ZNF503: variants seen among roughly 807,000 people sequenced by gnomAD.
ZNF503 encodes NocA-like zinc finger 2.
ZNF503 carries 15 observed loss-of-function variants against 34.4 expected under a neutral mutation model. That is an observed-to-expected ratio of 0.44 (90% CI 0.29 to 0.67). ZNF503 has a LOEUF of 0.67. ZNF503 is among the 30% of genes least tolerant of loss of function. The pLI, the probability that ZNF503 is intolerant of heterozygous loss-of-function variation, is 0.13. For missense variants in ZNF503, 1,007 were observed against 926.8 expected (o/e 1.09, Z -1.12); for synonymous variants, 580 against 456.8 (o/e 1.27, Z -3.44).
At chr10:75,342,180 T>A in the ZNF503 span, among the ~76,000 whole-genome samples, 6 of 131,524 alleles carry the variant, frequency 4.6e-5, no homozygotes, top group African/African-American at 1.7e-4. Context: ...CCAGGCTGGG[T>A]GGGGTGGGGT....
At chr10:75,384,333 TATATGATCACATA>T in the ZNF503 span, among the ~76,000 whole-genome samples, 1 of 152,044 alleles carries the variant, frequency 6.6e-6, no homozygotes, top group African/African-American at 2.4e-5. Flanking sequence ...TGAACTCAGA[TATATGATCACATA>T]CAAATTCACA....
chr10:75,360,114 C>CTTTT, the ZNF503 span, among the ~76,000 whole-genome samples: 40 of 108,444 alleles, frequency 3.7e-4, no homozygotes, highest in African/African-American at 8.3e-4. Context: ...CCAAAGGTTT[C>CTTTT]TTTTTTTTTT....
At chr10:75,318,892 T>G in the ZNF503 span, among the ~76,000 whole-genome samples, 2 of 147,676 alleles carry the variant, frequency 1.4e-5, no homozygotes, top group African/African-American at 5.3e-5. Context: ...TCTTCCTTCC[T>G]TCTTTCCTTC....
At chr10:75,296,245 C>G in the ZNF503 span, 21 of 152,354 alleles carry the variant, frequency 1.4e-4, no homozygotes, top group African/African-American at 5.1e-4. Flanking sequence ...ACCTAGTTGT[C>G]CAGCCCCTGG....
the ZNF503 span, among the ~76,000 whole-genome samples, chr10:75,359,964 C>G: frequency 6.6e-6 from 1 of 151,940 alleles, no homozygotes; most frequent in African/African-American, 2.4e-5. Context: ...ATGAGAAGCT[C>G]TTGGTTTTTA....
At chr10:75,291,992 G>A in the ZNF503 span, among the ~76,000 whole-genome samples, 7 of 152,300 alleles carry the variant, frequency 4.6e-5, no homozygotes, top group Admixed American at 2.6e-4. Context: ...TTGGGGATGG[G>A]CACAAACCAC....
At chr10:75,294,577 G>T in the ZNF503 span, among the ~76,000 whole-genome samples, 1 of 152,300 alleles carries the variant, frequency 6.6e-6, no homozygotes, top group East Asian at 1.9e-4. Flanking sequence ...CACTGTTCAG[G>T]CACGGGCAGC....
the ZNF503 span, among the ~76,000 whole-genome samples, chr10:75,330,027 C>T: frequency 6.6e-6 from 1 of 152,100 alleles, no homozygotes; most frequent in African/African-American, 2.4e-5. Context: ...AGGTATGTTC[C>T]TTCTATACCT....
In ZNF503 at chr10:75,401,557, C is replaced by T; in HGVS notation, c.-138G>A. 1 of 1,085,336 alleles carries T rather than the reference C, an allele frequency of 9.2e-7. No individual in the cohort carries two copies. Among genetic ancestry groups the T allele is most frequent in the South Asian group, 1.4e-5 (1 of 69,322 alleles). 67.2% of individuals were successfully genotyped at this position (1,085,336 alleles called of 1,614,324 possible). On this transcript the variant is annotated 5_prime_UTR_variant, in exon 1 of 2. Coordinates refer to ENST00000372524, the MANE Select transcript of ZNF503 (RefSeq NM_032772.6). ...GCGCGGCGGCCACGGGCGCCCAGCGCGCCTTCTCGGCGCCTGGAGCCAGAC... is the reference window on the plus strand; with the variant it reads ...GCGCGGCGGCCACGGGCGCCCAGCGTGCCTTCTCGGCGCCTGGAGCCAGAC...
chr10:75,352,945 C>T, the ZNF503 span, among the ~76,000 whole-genome samples: 925 of 152,298 alleles, frequency 6.1e-3, 10 homozygotes, highest in African/African-American at 0.021. Flanking sequence ...CTGGAAACTG[C>T]TACAGTTCTG....
the ZNF503 span, among the ~76,000 whole-genome samples, chr10:75,312,320 C>T: frequency 2.0e-5 from 3 of 151,650 alleles, no homozygotes; most frequent in Non-Finnish European, 4.4e-5. Flanking sequence ...AATACAATAA[C>T]TAAAATAAAA....
At chr10:75,379,976 A>C in the ZNF503 span, among the ~76,000 whole-genome samples, 1 of 152,204 alleles carries the variant, frequency 6.6e-6, no homozygotes, top group Non-Finnish European at 1.5e-5. Context: ...TGGCCTGCTC[A>C]GCACCTCTGG....
chr10:75,345,328 A>G, the ZNF503 span, among the ~76,000 whole-genome samples: 1 of 152,104 alleles, frequency 6.6e-6, no homozygotes, highest in Non-Finnish European at 1.5e-5. Context: ...CAGTCTCTCT[A>G]AGACCCTCTG....
In ZNF503 at chr10:75,399,720, T is replaced by TGGGGCC; in HGVS notation, c.964_969dup (p.Gly322_Pro323dup). On this transcript the variant is annotated inframe_insertion, in exon 2 of 2. Coordinates refer to ENST00000372524, the MANE Select transcript of ZNF503 (RefSeq NM_032772.6). Reference sequence around the variant, plus strand: ...AACACTGAGGAGGAGGTGGGCGCGCTGGGGCCGGAGCCGGAGCTGGAGCCC... The same window carrying TGGGGCC: ...AACACTGAGGAGGAGGTGGGCGCGCTGGGGCCGGGGCCGGAGCCGGAGCTGGAGCCC... 1.9e-6 allele frequency: 3 copies of TGGGGCC among 1,597,774 alleles called. No individual in the cohort carries two copies. The highest frequency in any genetic ancestry group is 2.5e-6 in the Non-Finnish European group (3 of 1,177,638).
At chr10:75,348,507 ATTTTTTT>A in the ZNF503 span, among the ~76,000 whole-genome samples, 5 of 99,358 alleles carry the variant, frequency 5.0e-5, no homozygotes, top group Non-Finnish European at 7.6e-5. Flanking sequence ...CCCTATTACT[ATTTTTTT>A]TTTTTTTTTT....
chr10:75,280,685 A>C, the ZNF503 span, among the ~76,000 whole-genome samples: 16,723 of 152,078 alleles, frequency 0.11, 1,467 homozygotes, highest in African/African-American at 0.22. Context: ...AGATACAATG[A>C]CCTCTGCCTT....
the ZNF503 span, among the ~76,000 whole-genome samples, chr10:75,293,270 C>G: frequency 6.6e-6 from 1 of 152,106 alleles, no homozygotes; most frequent in African/African-American, 2.4e-5. Flanking sequence ...TCTAGCTGAG[C>G]AGGTGAGAGG....
chr10:75,366,610 A>G, the ZNF503 span, among the ~76,000 whole-genome samples: 4 of 152,208 alleles, frequency 2.6e-5, no homozygotes, highest in African/African-American at 9.7e-5. Flanking sequence ...AGGATGTTTG[A>G]ACTGTACAAG....
the ZNF503 span, among the ~76,000 whole-genome samples, chr10:75,390,408 CCTTT>C: frequency 2.0e-5 from 3 of 150,320 alleles, no homozygotes; most frequent in Admixed American, 6.6e-5. Context: ...TCCTCCTCTT[CCTTT>C]TTCTCCTCTT....
Sources: allele counts gnomAD v4.1 joint callset (sites outside exome capture counted in the v4.1 genomes callset), GRCh38; gene constraint gnomAD v4.1.1; transcripts MANE v1.5; gene names NCBI Gene and HGNC (gene_info 2026-07-23, HGNC 2026-07-21).